ACOT11: variants seen among roughly 807,000 people sequenced by gnomAD.
ACOT11 encodes acyl-CoA thioesterase 11.
Under a neutral mutation model 77.5 loss-of-function variants are expected in ACOT11, and 69 were observed. The ratio of observed to expected loss-of-function variants is 0.89; its 90% CI spans 0.73 to 1.09. The LOEUF is 1.09. ACOT11 is among the 50% of genes least tolerant of loss of function. The pLI is 0.00. For missense variants in ACOT11, 766 were observed against 813.7 expected (o/e 0.94, Z 0.71); for synonymous variants, 279 against 313.0 (o/e 0.89, Z 1.15).
At chr1:54,551,663 C>T (rs1250632837) in intron 1 of ACOT11, among the ~76,000 whole-genome samples, 1 of 152,088 alleles carries the variant, frequency 6.6e-6, no homozygotes. Context: ...CAGTGGGGCT[C>T]AGAAGCTTTT....
At chr1:54,558,466 A>C (rs536420540) in intron 1 of ACOT11, among the ~76,000 whole-genome samples, 1 of 152,272 alleles carries the variant, frequency 6.6e-6, no homozygotes, top group Non-Finnish European at 1.5e-5. Flanking sequence ...GCTGGGATTA[A>C]ATTGAGACTG....
intron 3 of ACOT11, among the ~76,000 whole-genome samples, chr1:54,586,279 C>G (rs1293790753): frequency 6.9e-6 from 1 of 144,856 alleles, no homozygotes; most frequent in Non-Finnish European, 1.5e-5. Context: ...CTTGGACATT[C>G]TCTTTGGGTC....
Position 54,609,216 on chromosome 1 carries a change from C to T in ACOT11, c.*104C>T. On this transcript the variant is annotated 3_prime_UTR_variant, in exon 16 of 16. Coordinates refer to ENST00000343744, the MANE Select transcript of ACOT11 (RefSeq NM_147161.4). ...CAAAGACCTTTATTTCTTCCTGCCTCCCCGTGGGAAGCCTCCGCCCTGAGG... is the reference window on the plus strand; with the variant it reads ...CAAAGACCTTTATTTCTTCCTGCCTTCCCGTGGGAAGCCTCCGCCCTGAGG... 1 of 1,590,496 alleles carries T rather than the reference C, an allele frequency of 6.3e-7. No individual in the cohort carries two copies. The highest frequency in any genetic ancestry group is 1.2e-5 in the South Asian group (1 of 86,938).
chr1:54,620,845 C>CAAAAAAAAAAAAAAAAAAAAAAAA lies in ACOT11; in HGVS notation c.1630-9880_1630-9857dup, dbSNP rs767625864. ...CCTGGATGACACAAAGAGACTCTGT[C>CAAAAAAAAAAAAAAAAAAAAAAAA]AAAAAAAAAAAAAAAAAAAAAAAAA... On this transcript the variant is annotated intron_variant, in intron 15 of 16. Transcript: ENST00000371316. Among the ~76,000 whole-genome samples the CAAAAAAAAAAAAAAAAAAAAAAAA allele has an allele frequency of 1.7e-4, 2 of 12,118 alleles. 1 individual carries two copies. The highest frequency in any genetic ancestry group is 3.6e-3 in the East Asian group (2 of 560). The allele number at this position is 12,118 out of a possible 152,430, so 7.9% of individuals were successfully genotyped here.
At chr1:54,611,459 C>T, downstream of ACOT11, 3 of 707,078 alleles carry the variant, frequency 4.2e-6, no homozygotes, top group Non-Finnish European at 4.8e-6. Flanking sequence ...CATCCCAGGG[C>T]CTGGCACACA....
intron 2 of ACOT11, 152 bp from the exon 3 acceptor site, chr1:54,585,683 T>G: frequency 1.5e-6 from 1 of 660,910 alleles, no homozygotes; most frequent in Non-Finnish European, 2.6e-6. Flanking sequence ...GTGCCCACGG[T>G]GAGGGGTGTA....
chr1:54,619,367 G>C (rs942061248), intron 15 of ACOT11, among the ~76,000 whole-genome samples: 6 of 152,190 alleles, frequency 3.9e-5, no homozygotes, highest in Non-Finnish European at 7.3e-5. Flanking sequence ...TGGCTTAACT[G>C]CTTTCAGACA....
Position 54,610,256 on chromosome 1 carries a change from C to CCT in ACOT11, c.*1148_*1149dup. 1 of 1,466,148 alleles carries CCT rather than the reference C, an allele frequency of 6.8e-7. No homozygotes were observed. The highest frequency in any genetic ancestry group is 9.0e-7 in the Non-Finnish European group (1 of 1,115,196). 90.8% of individuals were successfully genotyped at this position (1,466,148 alleles called of 1,614,324 possible). A position where few individuals can be genotyped will look rare whatever the true frequency, so the allele number is the denominator to read the frequency against. On this transcript the variant is annotated 3_prime_UTR_variant, in exon 16 of 16. Transcript: ENST00000343744. ...CTGTGCTCTTGACATCACTGTACTC[C>CCT]CTCTCCCTCCCCGCAACCCTGCCCC...
At position 54,586,086 on chromosome 1, in the gene ACOT11, G is replaced by A. The variant is rs541472715; in HGVS notation, c.311+182G>A. ...CCCTCTGCAGTGTTTCTGGGGGCTA[G>A]GAGTTGACCTGCTGTTCTGTGCAGT... On this transcript the variant is annotated intron_variant, in intron 3 of 15. Coordinates refer to ENST00000343744, the MANE Select transcript of ACOT11 (RefSeq NM_147161.4). Among the ~76,000 whole-genome samples, 8 of 141,584 alleles carry A rather than the reference G, an allele frequency of 5.7e-5. No homozygotes were observed. The South Asian group carries it at 7.1e-4, about 13-fold the overall frequency. 92.9% of individuals were successfully genotyped at this position (141,584 alleles called of 152,430 possible). A position where few individuals can be genotyped will look rare whatever the true frequency, so the allele number is the denominator to read the frequency against.
chr1:54,561,899 T>C (rs868599760), intron 1 of ACOT11, among the ~76,000 whole-genome samples: 174 of 41,366 alleles, frequency 4.2e-3, no homozygotes, highest in East Asian at 7.2e-3. Flanking sequence ...GGCGGCTGGC[T>C]GGGCAGGGGG....
At chr1:54,591,386 T>C (rs990911440) in intron 3 of ACOT11, among the ~76,000 whole-genome samples, 2 of 152,072 alleles carry the variant, frequency 1.3e-5, no homozygotes, top group African/African-American at 4.8e-5. Context: ...AGTGTGATGG[T>C]TAAGGTGGAG....
downstream of ACOT11, chr1:54,610,362 A>G: frequency 6.3e-7 from 1 of 1,595,056 alleles, no homozygotes; most frequent in Non-Finnish European, 8.5e-7. Context: ...CAAGCAAAGG[A>G]CACCCCTGCA....
At chr1:54,594,824 C>G in intron 6 of ACOT11, 133 bp downstream of exon 6, 1 of 1,281,950 alleles carries the variant, frequency 7.8e-7, no homozygotes, top group South Asian at 1.8e-5. Flanking sequence ...CTGGGCCTCT[C>G]CTAGCCCTCT....
At position 54,609,092 on chromosome 1, in the gene ACOT11, C is replaced by G; in HGVS notation, c.1765C>G (p.Pro589Ala). ...FLLDNRNDLAPSLQTL is the reference protein window; with the variant it reads ...FLLDNRNDLAASLQTL ...CTTGGACAACCGGAATGATCTGGCC[C>G]CCAGCCTCCAGACCCTCTAGATGCC... The change falls in exon 16 of 16, where the codon CCC becomes GCC. Residue 589 changes from proline (P) to alanine (A), a missense_variant. Physicochemically the swap from Pro to Ala is conservative, Grantham distance 27 (BLOSUM62 -1). Transcript: ENST00000343744. The G allele has an allele frequency of 2.5e-6, 4 of 1,614,158 alleles. No homozygotes were observed. Among genetic ancestry groups the G allele is most frequent in the Non-Finnish European group, 3.4e-6 (4 of 1,180,018 alleles).
exon 17 of ACOT11, chr1:54,639,034 A>AT: frequency 6.6e-6 from 1 of 151,858 alleles, no homozygotes; most frequent in Non-Finnish European, 1.5e-5. Context: ...CTACAAAAAA[A>AT]TTTTAAAAAA....
At chr1:54,624,387 G>A (rs552458151) in intron 15 of ACOT11, among the ~76,000 whole-genome samples, 1 of 152,070 alleles carries the variant, frequency 6.6e-6, no homozygotes, top group East Asian at 1.9e-4. Flanking sequence ...AGGGTGGGAG[G>A]GATTTTGGTC....
chr1:54,614,876 A>G (rs1461025335), downstream of ACOT11: 4 of 1,611,508 alleles, frequency 2.5e-6, no homozygotes, highest in Non-Finnish European at 8.5e-7. Context: ...GGAAAGGAAC[A>G]AGGGCTTGGG....
intron 8 of ACOT11, 82 bp from the exon 9 acceptor site, chr1:54,601,173 ATGTGTGCATGTGTG>A (rs921169769): frequency 7.6e-6 from 11 of 1,445,966 alleles, no homozygotes; most frequent in African/African-American, 4.2e-5. Context: ...GTGTGGGCGC[ATGTGTGCATGTGTG>A]TGTGTGAGTG....
chr1:54,584,987 G>A lies in ACOT11; in HGVS notation c.241+125G>A. 9.3e-7 allele frequency: 1 copy of A among 1,072,720 alleles called. No homozygotes were observed. Among genetic ancestry groups the A allele is most frequent in the Non-Finnish European group, 1.3e-6 (1 of 754,206 alleles). The allele number at this position is 1,072,720 out of a possible 1,614,324, so 66.5% of individuals were successfully genotyped here. A position where few individuals can be genotyped will look rare whatever the true frequency, so the allele number is the denominator to read the frequency against. Reference sequence around the variant, plus strand: ...GTTTCTCATCTTGGCCTTTGCTCATGCTGGTCCCTTTGTCTGAAATGCCCT... The same window carrying A: ...GTTTCTCATCTTGGCCTTTGCTCATACTGGTCCCTTTGTCTGAAATGCCCT... On this transcript the variant is annotated intron_variant, in intron 2 of 15. Transcript: ENST00000343744. This position sits in a 1 kb window ranked among gnomAD's most constrained non-coding sequence, Gnocchi z 6.3.
Sources: gnomAD v4.1 joint callset for allele counts (sites outside exome capture counted in the v4.1 genomes callset) on GRCh38, gnomAD v4.1.1 for gene constraint, Gnocchi (gnomAD v3.1) non-coding constraint, MANE v1.5 for transcripts, NCBI Gene and HGNC (gene_info 2026-07-23, HGNC 2026-07-21) for gene names.